Variants in GPHN observed in about 807,000 individuals in gnomAD.
GPHN encodes the protein gephyrin.
Under a neutral mutation model 95.5 loss-of-function variants are expected in GPHN, and 17 were observed. That is an observed-to-expected ratio of 0.18 (90% CI 0.12 to 0.27). The LOEUF is 0.27. GPHN is among the 10% of genes least tolerant of loss of function. GPHN has a pLI of 1.00. For missense variants in GPHN, 660 were observed against 978.1 expected, an observed-to-expected ratio of 0.67 and a Z score of 4.34; for synonymous variants, 320 against 322.5, an observed-to-expected ratio of 0.99 and a Z score of 0.08.
chr14:67,138,348 A>G (rs2080225799), intron 17 of GPHN, among the ~76,000 whole-genome samples: 2 of 152,200 alleles, frequency 1.3e-5, no homozygotes. Flanking sequence ...ATATAAGGTC[A>G]GATTATAATG....
the GPHN span, chr14:67,580,821 G>A: frequency 3.0e-6 from 2 of 665,978 alleles, no homozygotes; most frequent in Non-Finnish European, 2.6e-6. Context: ...CCTCCTGGTG[G>A]GAGGACTTTT....
chr14:67,267,444 G>T, the GPHN span, among the ~76,000 whole-genome samples: 2 of 151,740 alleles, frequency 1.3e-5, no homozygotes, highest in Admixed American at 6.6e-5. Context: ...AGAGATGGGG[G>T]TTCATCATGT....
chr14:67,453,533 G>A, the GPHN span, among the ~76,000 whole-genome samples: 25 of 152,220 alleles, frequency 1.6e-4, no homozygotes, highest in Admixed American at 1.6e-3. Context: ...CATCAGGGAT[G>A]TATAAATAGA....
chr14:67,238,753 C>T, the GPHN span, among the ~76,000 whole-genome samples: 1 of 152,170 alleles, frequency 6.6e-6, no homozygotes, highest in African/African-American at 2.4e-5. Context: ...AGATGATCCT[C>T]CTGCCTCAGC....
intron 8 of GPHN, among the ~76,000 whole-genome samples, chr14:66,949,640 C>CT (rs1189699142): frequency 2.0e-5 from 3 of 152,126 alleles, no homozygotes; most frequent in African/African-American, 7.2e-5. Flanking sequence ...GAGACTCACT[C>CT]TGATTATTGT....
chr14:67,230,204 T>G, the GPHN span, among the ~76,000 whole-genome samples: 2 of 152,352 alleles, frequency 1.3e-5, no homozygotes, highest in East Asian at 3.9e-4. Flanking sequence ...TATTTGTATC[T>G]AGCAACACAA....
At position 66,539,547 on chromosome 14, in the gene GPHN, TG is replaced by T. The variant is rs761785345; in HGVS notation, c.64+30959del. ...CTCCTGCCTCAGGTTCCTGAGTAGCTGGGATTACAGCCATGTGCCACTATGG... is the reference window on the plus strand; with the variant it reads ...CTCCTGCCTCAGGTTCCTGAGTAGCTGGATTACAGCCATGTGCCACTATGG... On this transcript the variant is annotated intron_variant, in intron 1 of 22. Coordinates refer to ENST00000478722, the MANE Select transcript of GPHN (RefSeq NM_020806.5). Among the ~76,000 whole-genome samples the T allele has an allele frequency of 1.4e-3, 214 of 151,640 alleles. 1 individual carries two copies. Among genetic ancestry groups the T allele is most frequent in the Non-Finnish European group, 1.8e-3 (125 of 67,938 alleles).
chr14:66,929,323 G>C (rs977005925), intron 8 of GPHN, among the ~76,000 whole-genome samples: 8 of 151,978 alleles, frequency 5.3e-5, no homozygotes, highest in Admixed American at 5.2e-4. Flanking sequence ...GGAATTACAG[G>C]CCTGAGCTAC....
chr14:67,328,954 A>G, the GPHN span, among the ~76,000 whole-genome samples: 3 of 152,070 alleles, frequency 2.0e-5, no homozygotes, highest in African/African-American at 7.2e-5. Context: ...TTGTCTTGGC[A>G]ATGCAGGCTC....
chr14:66,919,022 G>T lies in GPHN; in HGVS notation c.456+2953G>T, dbSNP rs560803167. On this transcript the variant is annotated intron_variant, in intron 6 of 22. Transcript: ENST00000478722. ...AGCTGGCCTTATATTCTGATTTTTAGGTTCTTACCTATTCTCTTTTGGTAA... is the reference window on the plus strand; with the variant it reads ...AGCTGGCCTTATATTCTGATTTTTATGTTCTTACCTATTCTCTTTTGGTAA... 1.2e-4 allele frequency among the ~76,000 whole-genome samples: 18 copies of T among 152,100 alleles called. No individual in the cohort carries two copies. In the South Asian group the frequency reaches 3.7e-3, roughly 32 times the overall value.
chr14:66,924,332 T>A lies in GPHN; in HGVS notation c.828+40T>A, dbSNP rs200818040. 4.3e-4 allele frequency: 449 copies of A among 1,035,896 alleles called. 2 individuals carry two copies. Among genetic ancestry groups the A allele is most frequent in the Non-Finnish European group, 6.2e-4 (407 of 653,790 alleles). The allele number at this position is 1,035,896 out of a possible 1,614,324, so 64.2% of individuals were successfully genotyped here. ...TTTTGCATTAATGGTTTTCCAAATATGTATTCTACTTCCTCTCCTTGGAGA... is the reference window on the plus strand; with the variant it reads ...TTTTGCATTAATGGTTTTCCAAATAAGTATTCTACTTCCTCTCCTTGGAGA... On this transcript the variant is annotated intron_variant, in intron 8 of 22. Coordinates refer to ENST00000478722, the MANE Select transcript of GPHN (RefSeq NM_020806.5).
At chr14:66,937,263 CA>C (rs1367357901) in intron 8 of GPHN, among the ~76,000 whole-genome samples, 3 of 152,112 alleles carry the variant, frequency 2.0e-5, no homozygotes, top group Non-Finnish European at 4.4e-5. Context: ...CTCAACCTCC[CA>C]AAGTGTTAGC....
the GPHN span, chr14:67,541,976 G>A: frequency 3.7e-6 from 6 of 1,606,614 alleles, no homozygotes; most frequent in Non-Finnish European, 5.1e-6. Flanking sequence ...CAAGATAAGG[G>A]AGCTGCTGGC....
chr14:66,998,742 C>A (rs1177702110), intron 9 of GPHN, among the ~76,000 whole-genome samples: 2 of 151,940 alleles, frequency 1.3e-5, no homozygotes, highest in Admixed American at 1.3e-4. Flanking sequence ...TCTTCTGTGT[C>A]ATTCATTAGA....
chr14:66,626,299 C>G (rs1368427597), intron 1 of GPHN, among the ~76,000 whole-genome samples: 1 of 152,072 alleles, frequency 6.6e-6, no homozygotes, highest in South Asian at 2.1e-4. Flanking sequence ...TCTGTTAATT[C>G]TTTTCTCTAT....
the GPHN span, among the ~76,000 whole-genome samples, chr14:67,544,850 C>A: frequency 2.6e-5 from 4 of 152,140 alleles, no homozygotes; most frequent in African/African-American, 9.7e-5. Flanking sequence ...ACAAATACAG[C>A]AGTTGAGACC....
chr14:67,166,845 T>C (rs1371810485), intron 20 of GPHN, among the ~76,000 whole-genome samples: 2 of 152,160 alleles, frequency 1.3e-5, no homozygotes, highest in African/African-American at 4.8e-5. Context: ...AATTTTTGTA[T>C]TTTTTGTAGA....
intron 2 of GPHN, among the ~76,000 whole-genome samples, chr14:66,719,057 C>T (rs764882626): frequency 5.3e-5 from 8 of 152,188 alleles, no homozygotes; most frequent in Admixed American, 2.0e-4. Context: ...CCACCATGCC[C>T]CTGCTAGCAG....
At chr14:66,969,074 T>C (rs758060694) in intron 9 of GPHN, 2 of 152,284 alleles carry the variant, frequency 1.3e-5, no homozygotes, top group Non-Finnish European at 2.9e-5. Context: ...CCATGTATTA[T>C]CTTTTCTTAA....
Sources: gnomAD v4.1 joint callset for allele counts (sites outside exome capture counted in the v4.1 genomes callset) on GRCh38, gnomAD v4.1.1 for gene constraint, MANE v1.5 for transcripts, NCBI Gene and HGNC (gene_info 2026-07-23, HGNC 2026-07-21) for gene names.